RPS6KA1: variants seen among roughly 807,000 people sequenced by gnomAD.
RPS6KA1 encodes ribosomal protein S6 kinase alpha-1.
Under a neutral mutation model 91.3 loss-of-function variants are expected in RPS6KA1, and 48 were observed. That is an observed-to-expected ratio of 0.53 (90% CI 0.42 to 0.67). RPS6KA1 has a LOEUF of 0.67. Among genes scored for constraint, RPS6KA1 ranks in the 30% least tolerant of loss-of-function variants. The probability of loss-of-function intolerance (pLI) is 0.00; values close to 1 mark genes in which losing one functional copy is unlikely to be tolerated. For synonymous variants in RPS6KA1, 359 were observed against 384.7 expected (o/e 0.93, Z 0.78); for missense variants, 719 against 960.5 (o/e 0.75, Z 3.32).
chr1:26,532,856 A>C (rs1365058726), intron 1 of RPS6KA1, among the ~76,000 whole-genome samples: 1 of 152,186 alleles, frequency 6.6e-6, no homozygotes, highest in African/African-American at 2.4e-5. Context: ...CCTCATGAGC[A>C]GTGCTCTCTG....
At chr1:26,549,331 G>A (rs1389918459) in intron 4 of RPS6KA1, among the ~76,000 whole-genome samples, 5 of 151,916 alleles carry the variant, frequency 3.3e-5, no homozygotes, top group Non-Finnish European at 7.4e-5. Flanking sequence ...AGCACTTTGG[G>A]AGGCCAAGGT....
At position 26,546,875 on chromosome 1, in the gene RPS6KA1, C is replaced by T. The variant is rs756864139; in HGVS notation, c.117C>T (p.Gly39=). Residue 39 remains glycine (G), a synonymous_variant, in exon 3 of 22, where the codon GGC becomes GGT. Transcript: ENST00000374168. ...EAGLQPSKDE[G]VLKEISITHH... is the part of the protein sequence containing the mutation. ...CTCTGTCCCTCCATCAGGATGAGGGCGTCCTCAAGGAGATCTCCATCACGC... is the reference window on the plus strand; with the variant it reads ...CTCTGTCCCTCCATCAGGATGAGGGTGTCCTCAAGGAGATCTCCATCACGC... 7 of 1,613,638 alleles carry T rather than the reference C, an allele frequency of 4.3e-6. No individual in the cohort carries two copies. Among genetic ancestry groups the T allele is most frequent in the South Asian group, 3.3e-5 (3 of 91,060 alleles).
chr1:26,555,578 A>G lies in RPS6KA1; in HGVS notation c.869A>G (p.Gln290Arg). The G allele has an allele frequency of 6.2e-7, 1 of 1,601,760 alleles. No homozygotes were observed. Among genetic ancestry groups the G allele is most frequent in the Non-Finnish European group, 8.5e-7 (1 of 1,173,586 alleles). ...GMPQFLSTEA[Q>R]SLLRALFKRN... The stretch of plus-strand genomic sequence containing the variant: ...CCCCAGTTTCTGAGCACTGAAGCCC[A>G]GAGCCTCTTGCGGGCCCTGTTCAAG... Residue 290 changes from glutamine to arginine, a missense_variant, in exon 11 of 22, where the codon CAG becomes CGG. Around this residue, in one of 5 missense-constraint regions of RPS6KA1, gnomAD observed 228 missense variants for 247.6 expected, o/e 0.92. Coordinates refer to ENST00000374168, the MANE Select transcript of RPS6KA1 (RefSeq NM_002953.4). The surrounding 1 kb of genome is among the most constrained non-coding windows in gnomAD (Gnocchi z 4.3).
chr1:26,530,993 C>A, intron 1 of RPS6KA1: 2 of 976,184 alleles, frequency 2.0e-6, no homozygotes, highest in Non-Finnish European at 2.6e-6. Context: ...GACTTTCTCC[C>A]AGCTTGGGCC....
In RPS6KA1 at chr1:26,547,526, G is replaced by A. The variant is rs1276956382; in HGVS notation, c.307+256G>A. The A allele has an allele frequency of 1.6e-5, 7 of 438,168 alleles. No individual in the cohort carries two copies. In the East Asian group the frequency reaches 2.7e-4, roughly 17 times the overall value. 27.1% of individuals were successfully genotyped at this position (438,168 alleles called of 1,614,324 possible). A position where few individuals can be genotyped will look rare whatever the true frequency, so the allele number is the denominator to read the frequency against. On this transcript the variant is annotated intron_variant, in intron 4 of 21. Coordinates refer to ENST00000374168, the MANE Select transcript of RPS6KA1 (RefSeq NM_002953.4). This position sits in a 1 kb window ranked among gnomAD's most constrained non-coding sequence, Gnocchi z 4.1. ...TGCAATGTGTTTGTCAGGGGGCGGG[G>A]CCCTCAACTACCAAGCTGGTCAAGC...
At position 26,555,270 on chromosome 1, in the gene RPS6KA1, C is replaced by A; in HGVS notation, c.827+49C>A. On this transcript the variant is annotated intron_variant, in intron 10 of 21. Transcript: ENST00000374168. This position sits in a 1 kb window ranked among gnomAD's most constrained non-coding sequence, Gnocchi z 4.3. ...AACAATGGACTCCTCCAAGCCCCAG[C>A]CCCAGTTTGGGGGTCAGAATATTAT... The A allele has an allele frequency of 6.4e-7, 1 of 1,573,102 alleles. No individual in the cohort carries two copies. The highest frequency in any genetic ancestry group is 8.7e-7 in the Non-Finnish European group (1 of 1,143,818).
intron 1 of RPS6KA1, chr1:26,530,943 G>C (rs993445961): frequency 1.7e-6 from 2 of 1,164,084 alleles, no homozygotes; most frequent in African/African-American, 1.6e-5. Context: ...GGGTATGCAG[G>C]GAGGGAATGG....
chr1:26,571,722 G>A lies in RPS6KA1; in HGVS notation c.1752+112G>A, dbSNP rs148011245. 1.1e-4 allele frequency: 171 copies of A among 1,491,110 alleles called. No individual in the cohort carries two copies. Among genetic ancestry groups the A allele is most frequent in the Non-Finnish European group, 8.0e-5 (88 of 1,100,510 alleles). 92.4% of individuals were successfully genotyped at this position (1,491,110 alleles called of 1,614,324 possible). A position where few individuals can be genotyped will look rare whatever the true frequency, so the allele number is the denominator to read the frequency against. ...CTCCAGTCTCTGTGACCTTGGCCCA[G>A]CTGGCAAGGGAAGATCTAGCCTGTG... On this transcript the variant is annotated intron_variant, in intron 18 of 21. Coordinates refer to ENST00000374168, the MANE Select transcript of RPS6KA1 (RefSeq NM_002953.4). The surrounding 1 kb of genome is among the most constrained non-coding windows in gnomAD (Gnocchi z 5.1).
At chr1:26,572,742 A>C (rs927259643) in intron 20 of RPS6KA1, among the ~76,000 whole-genome samples, 64 of 152,154 alleles carry the variant, frequency 4.2e-4, no homozygotes, top group Non-Finnish European at 8.4e-4. Flanking sequence ...TATTAGCAAC[A>C]GTTTTTGGTC....
rs1199810461 is a variant in RPS6KA1, at chr1:26,571,039, T to G, written c.1591-410T>G. 6.6e-6 allele frequency among the ~76,000 whole-genome samples: 1 copy of G among 152,078 alleles called. No homozygotes were observed. Among genetic ancestry groups the G allele is most frequent in the Non-Finnish European group, 1.5e-5 (1 of 68,000 alleles). ...TTGGGAGCTGAGGCAGGAGAATTGC[T>G]TGAACCCGGGAGGCGGAGGCTGCAG... On this transcript the variant is annotated intron_variant, in intron 17 of 21. Coordinates refer to ENST00000374168, the MANE Select transcript of RPS6KA1 (RefSeq NM_002953.4). The surrounding 1 kb of genome is among the most constrained non-coding windows in gnomAD (Gnocchi z 5.1).
intron 17 of RPS6KA1, among the ~76,000 whole-genome samples, chr1:26,562,406 A>C (rs76284400): frequency 2.1e-3 from 315 of 152,272 alleles, no homozygotes; most frequent in African/African-American, 7.4e-3. Flanking sequence ...CTTTTGAGTT[A>C]GGAAGTGGCA....
rs776505679 is a variant in RPS6KA1, at chr1:26,571,623, GCCT to G, written c.1752+18_1752+20del. On this transcript the variant is annotated intron_variant, in intron 18 of 21. Coordinates refer to ENST00000374168, the MANE Select transcript of RPS6KA1 (RefSeq NM_002953.4). The surrounding 1 kb of genome is among the most constrained non-coding windows in gnomAD (Gnocchi z 5.1). ...TGTGGCGCCTGAGGTGAGTGGCCCAGCCTCCTCAGCTGTAAGAGTGAGGGGGAA... is the reference window on the plus strand; with the variant it reads ...TGTGGCGCCTGAGGTGAGTGGCCCAGCCTCAGCTGTAAGAGTGAGGGGGAA... The G allele has an allele frequency of 6.2e-7, 1 of 1,613,374 alleles. No individual in the cohort carries two copies. Among genetic ancestry groups the G allele is most frequent in the East Asian group, 2.2e-5 (1 of 44,870 alleles).
chr1:26,571,979 C>A lies in RPS6KA1; in HGVS notation c.1829+54C>A. ...CACTCCTGCAGCCCTAGCACTTGGGCTGAGTGGTGCTTGTCTGATAGGAAT... is the reference window on the plus strand; with the variant it reads ...CACTCCTGCAGCCCTAGCACTTGGGATGAGTGGTGCTTGTCTGATAGGAAT... On this transcript the variant is annotated intron_variant, in intron 19 of 21. Coordinates refer to ENST00000374168, the MANE Select transcript of RPS6KA1 (RefSeq NM_002953.4). This position sits in a 1 kb window ranked among gnomAD's most constrained non-coding sequence, Gnocchi z 5.1. The A allele has an allele frequency of 6.5e-7, 1 of 1,548,026 alleles. No individual in the cohort carries two copies. Among genetic ancestry groups the A allele is most frequent in the Non-Finnish European group, 8.9e-7 (1 of 1,127,420 alleles).
At chr1:26,562,436 G>A (rs2124656556) in intron 17 of RPS6KA1, among the ~76,000 whole-genome samples, 1 of 152,278 alleles carries the variant, frequency 6.6e-6, no homozygotes, top group Admixed American at 6.5e-5. Context: ...TGGGGGAGCT[G>A]CAAGGCTTCA....
chr1:26,550,001 T>C (rs2076034018), intron 4 of RPS6KA1, among the ~76,000 whole-genome samples: 1 of 152,120 alleles, frequency 6.6e-6, no homozygotes, highest in Non-Finnish European at 1.5e-5. Context: ...TGCCTCGGCC[T>C]CACGAGTAAC....
chr1:26,555,382 TG>T lies in RPS6KA1; in HGVS notation c.828-150del, dbSNP rs2076091066. ...CCTTCCAGAGCCCCTCTTTCATCCC[TG>T]GGGGCCTGTGGGTAGGATCCCTGAA... On this transcript the variant is annotated intron_variant, in intron 10 of 21. Coordinates refer to ENST00000374168, the MANE Select transcript of RPS6KA1 (RefSeq NM_002953.4). The surrounding 1 kb of genome is among the most constrained non-coding windows in gnomAD (Gnocchi z 4.3). Among the ~76,000 whole-genome samples the T allele has an allele frequency of 1.3e-5, 2 of 152,124 alleles. No individual in the cohort carries two copies. Among genetic ancestry groups the T allele is most frequent in the African/African-American group, 2.4e-5 (1 of 41,426 alleles).
At chr1:26,538,996 A>T (rs1156847808) in intron 2 of RPS6KA1, among the ~76,000 whole-genome samples, 1 of 152,234 alleles carries the variant, frequency 6.6e-6, no homozygotes, top group Non-Finnish European at 1.5e-5. Flanking sequence ...AGGAGGGCCT[A>T]AAATGAAGTC....
At chr1:26,543,030 G>T in intron 2 of RPS6KA1, 2 of 955,256 alleles carry the variant, frequency 2.1e-6, no homozygotes, top group South Asian at 3.2e-5. Flanking sequence ...CCCATCATCT[G>T]CCCCTCCTCC....
rs536167428 is a variant in RPS6KA1 at position 26,541,250 on chromosome 1, CTG to C, written c.108+4283_108+4284del. Among the ~76,000 whole-genome samples, 804 of 144,718 alleles carry C rather than the reference CTG, an allele frequency of 5.6e-3. 3 individuals carry two copies. Among genetic ancestry groups the C allele is most frequent in the Middle Eastern group, 0.017 (5 of 288 alleles). The allele number at this position is 144,718 out of a possible 152,430, so 94.9% of individuals were successfully genotyped here. On this transcript the variant is annotated intron_variant, in intron 2 of 21. Transcript: ENST00000374168. ...CCAGCCTGGGCAACAGAGTGAGACTCTGTCTCAAAAAAAAAAAAAAAATGCCG... is the reference window on the plus strand; with the variant it reads ...CCAGCCTGGGCAACAGAGTGAGACTCTCTCAAAAAAAAAAAAAAAATGCCG...
Sources: allele counts gnomAD v4.1 joint callset (sites outside exome capture counted in the v4.1 genomes callset), GRCh38; gene constraint gnomAD v4.1.1; regional missense constraint gnomAD v4.1.1; non-coding constraint Gnocchi (gnomAD v3.1); transcripts MANE v1.5; gene names NCBI Gene and HGNC (gene_info 2026-07-23, HGNC 2026-07-21).